The following POLE variants were observed in gnomAD, a reference collection of about 807,000 sequenced individuals.
POLE encodes DNA polymerase epsilon catalytic subunit A.
In POLE, 188 loss-of-function variants were observed where a neutral mutation model predicts 279.2. The observed-to-expected ratio is 0.67, with a 90% CI of 0.60 to 0.76. The LOEUF (loss-of-function observed/expected upper bound fraction) is 0.76. Ranked by LOEUF, POLE falls within the 30% of genes least tolerant of loss-of-function variation. The probability of loss-of-function intolerance (pLI) is 0.00; values close to 1 mark genes in which losing one functional copy is unlikely to be tolerated. For synonymous variants in POLE, 1,214 were observed against 1,172.5 expected (o/e 1.04, Z -0.72); for missense variants, 2,703 against 3,016.7 (o/e 0.90, Z 2.44).
chr12:132,646,848 A>C (rs1307196663), intron 32 of POLE, among the ~76,000 whole-genome samples: 1 of 151,916 alleles, frequency 6.6e-6, no homozygotes, highest in African/African-American at 2.4e-5. Context: ...ACAAACAAAC[A>C]AATAAAAATA....
chr12:132,647,561 C>G (rs1446888871), intron 32 of POLE, among the ~76,000 whole-genome samples: 1 of 152,072 alleles, frequency 6.6e-6, no homozygotes, highest in Non-Finnish European at 1.5e-5. Flanking sequence ...CTAATACACA[C>G]AGAGGAACAG....
rs762160282 is a variant in POLE, at chr12:132,642,662, T to G, written c.4796A>C (p.Glu1599Ala). Residue 1599 changes from glutamate (E) to alanine (A), a missense_variant, in exon 37 of 49, where the codon GAA (glutamate) becomes GCA (alanine). This residue lies in a region of POLE where 1,551 missense variants were observed against 1,686.1 expected (regional missense o/e 0.92). Coordinates refer to ENST00000320574, the MANE Select transcript of POLE (RefSeq NM_006231.4). ...TGGGAATTCCTCCAAGACAGGAATT[T>G]CACTGGCCAGCCTCTTCAGCTCCCA... The part of the protein sequence containing the change: ...SSWELKRLAS[E>A]IPVLEEFPLV... 1.2e-6 allele frequency: 2 copies of G among 1,613,252 alleles called. No individual in the cohort carries two copies. The highest frequency in any genetic ancestry group is 2.2e-5 in the South Asian group (2 of 91,084).
Position 132,642,498 on chromosome 12 carries a change from G to A in POLE, c.4952+8C>T, listed in dbSNP as rs2138533207. 6.2e-7 allele frequency: 1 copy of A among 1,613,376 alleles called. No individual in the cohort carries two copies. The highest frequency in any genetic ancestry group is 8.5e-7 in the Non-Finnish European group (1 of 1,179,750). ...ACCACTGGCCCACAACGACAGTACTGTGCTCACCTGCTCATCTCGAAGGCC... is the reference window on the plus strand; with the variant it reads ...ACCACTGGCCCACAACGACAGTACTATGCTCACCTGCTCATCTCGAAGGCC... On this transcript the variant is annotated splice_region_variant and intron_variant, in intron 37 of 48. Transcript: ENST00000320574.
chr12:132,673,026 T>C (rs1043892169), intron 14 of POLE, 138 bp downstream of exon 14: 4 of 761,832 alleles, frequency 5.3e-6, no homozygotes, highest in African/African-American at 5.2e-5. Flanking sequence ...AGGACATCCC[T>C]GACGTCACAC....
rs1163917303 is a variant in POLE at position 132,661,160 on chromosome 12, C to T, written c.2869G>A (p.Ala957Thr). The T allele has an allele frequency of 6.3e-7, 1 of 1,575,218 alleles. No individual in the cohort carries two copies. The highest frequency in any genetic ancestry group is 8.6e-7 in the Non-Finnish European group (1 of 1,165,886). ...AGAGAACCGTCTTCATTGAACACAGCATACCTGAAAAAAAAAAAAAAGGCA... is the reference window on the plus strand; with the variant it reads ...AGAGAACCGTCTTCATTGAACACAGTATACCTGAAAAAAAAAAAAAAGGCA... ...EEGKKLKKRYAVFNEDGSLAE... is the reference protein window; with the variant it reads ...EEGKKLKKRYTVFNEDGSLAE... The change falls in exon 25 of 49, where the codon GCT (alanine) becomes ACT (threonine). Residue 957 changes from alanine (A) to threonine (T), a missense_variant. Ala to Thr is a moderately conservative substitution (Grantham distance 58, BLOSUM62 0). Around this residue, in one of 5 missense-constraint regions of POLE, gnomAD observed 101 missense variants for 115.4 expected, o/e 0.87. Transcript: ENST00000320574. This position sits in a 1 kb window ranked among gnomAD's most constrained non-coding sequence, Gnocchi z 4.1.
chr12:132,685,717 A>C (rs2043244093), intron 1 of POLE, among the ~76,000 whole-genome samples: 1 of 152,228 alleles, frequency 6.6e-6, no homozygotes, highest in Non-Finnish European at 1.5e-5. Flanking sequence ...CACACCATGT[A>C]GACCCTAAGG....
chr12:132,669,888 C>G (rs531958530), intron 16 of POLE, among the ~76,000 whole-genome samples: 129 of 152,252 alleles, frequency 8.5e-4, no homozygotes, highest in African/African-American at 3.0e-3. Context: ...AGGGCACTTG[C>G]GAGGACTTAG....
chr12:132,625,705 G>T lies in POLE; in HGVS notation c.6597C>A (p.Ile2199=), dbSNP rs147611144. ...NCQAPYDSSA[I]EMTLVEVLQK... ...GTAGAACTTCCACCAGCGTCATCTC[G>T]ATGGCAGAGGAGTCGTAGGGCGCCT... The change falls in exon 47 of 49, where the codon ATC becomes ATA. Residue 2199 remains isoleucine, a synonymous_variant. Transcript: ENST00000320574. The T allele has an allele frequency of 2.1e-5, 34 of 1,613,572 alleles. No individual in the cohort carries two copies. Among genetic ancestry groups the T allele is most frequent in the Non-Finnish European group, 2.4e-5 (28 of 1,180,050 alleles).
At chr12:132,672,863 A>G in intron 14 of POLE, 24 bp from the exon 15 acceptor site, 1 of 1,602,204 alleles carries the variant, frequency 6.2e-7, no homozygotes, top group Non-Finnish European at 8.5e-7. Context: ...CAAGGCTTCC[A>G]GCCAAAAGCA....
At chr12:132,672,894 C>T in intron 14 of POLE, 55 bp from the exon 15 acceptor site, 1 of 1,493,452 alleles carries the variant, frequency 6.7e-7, no homozygotes, top group Non-Finnish European at 9.2e-7. Flanking sequence ...CCCTGACTTG[C>T]AGGCAAAGTC....
intron 5 of POLE, 145 bp downstream of exon 5, chr12:132,679,809 T>A: frequency 6.0e-6 from 6 of 998,346 alleles, no homozygotes; most frequent in Non-Finnish European, 8.9e-6. Context: ...CCACTAGAGC[T>A]CTTTGGAAGG....
Position 132,624,351 on chromosome 12 carries a change from C to T in POLE, c.*346G>A, listed in dbSNP as rs191419597. 7.8e-6 allele frequency: 3 copies of T among 387,010 alleles called. No individual in the cohort carries two copies. Among genetic ancestry groups the T allele is most frequent in the Admixed American group, 8.0e-5 (2 of 24,940 alleles). 24.0% of individuals were successfully genotyped at this position (387,010 alleles called of 1,614,324 possible). A position where few individuals can be genotyped will look rare whatever the true frequency, so the allele number is the denominator to read the frequency against. On this transcript the variant is annotated 3_prime_UTR_variant, in exon 49 of 49. Coordinates refer to ENST00000320574, the MANE Select transcript of POLE (RefSeq NM_006231.4). Reference sequence around the variant, plus strand: ...GAGGCAGGACAAAGAACTAGGGGCACCTAGAGGACGCTCCCACCCCACCAG... The same window carrying T: ...GAGGCAGGACAAAGAACTAGGGGCATCTAGAGGACGCTCCCACCCCACCAG...
chr12:132,653,137 TG>T (rs902358095), intron 29 of POLE, among the ~76,000 whole-genome samples: 6 of 151,790 alleles, frequency 4.0e-5, no homozygotes, highest in Admixed American at 6.6e-5. Flanking sequence ...CCCAGTGCTT[TG>T]GGGGGGGCCC....
chr12:132,651,986 C>T (rs1158296777), intron 29 of POLE, among the ~76,000 whole-genome samples: 2 of 152,204 alleles, frequency 1.3e-5, no homozygotes, highest in African/African-American at 2.4e-5. Context: ...CCATTTCTAA[C>T]TTTTATACAT....
intron 39 of POLE, chr12:132,641,372 C>T (rs1023616921): frequency 1.4e-5 from 7 of 508,312 alleles, no homozygotes; most frequent in South Asian, 8.3e-5. Flanking sequence ...TTGGTCACAT[C>T]GAAAAGTGGC....
chr12:132,668,207 C>G lies in POLE; in HGVS notation c.2173+149G>C. On this transcript the variant is annotated intron_variant, in intron 19 of 48. Transcript: ENST00000320574. This position sits in a 1 kb window ranked among gnomAD's most constrained non-coding sequence, Gnocchi z 4.0. ...CAAATAAAGGACCCTGCAGTGAGAG[C>G]ACAGCTTACAGTGACCTAGAGCAGC... 1 of 822,878 alleles carries G rather than the reference C, an allele frequency of 1.2e-6. No homozygotes were observed. The highest frequency in any genetic ancestry group is 1.8e-6 in the Non-Finnish European group (1 of 549,428). The allele number at this position is 822,878 out of a possible 1,614,324, so 51.0% of individuals were successfully genotyped here. A position where few individuals can be genotyped will look rare whatever the true frequency, so the allele number is the denominator to read the frequency against.
At chr12:132,682,216 C>G (rs1038537772) in intron 1 of POLE, among the ~76,000 whole-genome samples, 3 of 151,530 alleles carry the variant, frequency 2.0e-5, no homozygotes, top group African/African-American at 7.3e-5. Context: ...ATGGCGTGAA[C>G]CCAGGAGGTG....
In POLE at chr12:132,664,771, CTTCACACCTCCTCCCAAGCCCCA is replaced by C. The variant is rs1417279652; in HGVS notation, c.2469-332_2469-310del. Among the ~76,000 whole-genome samples, 1 of 152,056 alleles carries C rather than the reference CTTCACACCTCCTCCCAAGCCCCA, an allele frequency of 6.6e-6. No homozygotes were observed. The highest frequency in any genetic ancestry group is 6.5e-5 in the Admixed American group (1 of 15,278). ...GACCCATTCACGCCTTCTCTACTCT[CTTCACACCTCCTCCCAAGCCCCA>C]TTCTCACCTCCAGCTTCTCAGAGAA... On this transcript the variant is annotated intron_variant, in intron 21 of 48. Transcript: ENST00000320574. This position sits in a 1 kb window ranked among gnomAD's most constrained non-coding sequence, Gnocchi z 5.3.
At chr12:132,628,758 A>T (rs889488507) in intron 45 of POLE, among the ~76,000 whole-genome samples, 2 of 152,264 alleles carry the variant, frequency 1.3e-5, no homozygotes, top group Non-Finnish European at 2.9e-5. Context: ...GATTGCAGCA[A>T]CTTGGTCACA....
Sources: gnomAD v4.1 joint callset for allele counts (sites outside exome capture counted in the v4.1 genomes callset) on GRCh38, gnomAD v4.1.1 for gene constraint, gnomAD v4.1.1 regional missense constraint, Gnocchi (gnomAD v3.1) non-coding constraint, MANE v1.5 for transcripts, NCBI Gene and HGNC (gene_info 2026-07-23, HGNC 2026-07-21) for gene names.